Variants in SPATA1 observed in about 807,000 individuals in gnomAD.
The protein encoded by SPATA1 is spermatogenesis-associated protein 1.
SPATA1 carries 57 observed loss-of-function variants against 59.6 expected under a neutral mutation model. That is an observed-to-expected ratio of 0.96 (90% CI 0.77 to 1.19). The LOEUF is 1.19. Among genes scored for constraint, SPATA1 ranks in the 50% most tolerant of loss-of-function variants. The pLI, the probability that SPATA1 is intolerant of heterozygous loss-of-function variation, is 0.00. For synonymous variants in SPATA1, 147 were observed against 163.9 expected (o/e 0.90, Z 0.79); for missense variants, 448 against 480.7 (o/e 0.93, Z 0.64).
chr1:84,521,479 G>T (rs1340832507), intron 3 of SPATA1, among the ~76,000 whole-genome samples: 2 of 152,062 alleles, frequency 1.3e-5, no homozygotes, highest in African/African-American at 2.4e-5. Context: ...CAGGACCCTT[G>T]TACTTTCTGT....
At chr1:84,525,317 T>A (rs1296845324) in intron 4 of SPATA1, among the ~76,000 whole-genome samples, 2 of 152,224 alleles carry the variant, frequency 1.3e-5, no homozygotes, top group Non-Finnish European at 2.9e-5. Context: ...CTCTATGGGT[T>A]GAATATGTAG....
At chr1:84,507,816 G>A (rs962516566) in intron 1 of SPATA1, among the ~76,000 whole-genome samples, 1 of 151,412 alleles carries the variant, frequency 6.6e-6, no homozygotes, top group African/African-American at 2.4e-5. Flanking sequence ...GAGGGAGACT[G>A]TTGAGGAATA....
At chr1:84,560,258 ACCT>A (rs1342746815) in intron 4 of SPATA1, among the ~76,000 whole-genome samples, 6 of 152,092 alleles carry the variant, frequency 3.9e-5, no homozygotes, top group African/African-American at 1.4e-4. Flanking sequence ...TCCCACCACC[ACCT>A]TTCTGTGTAA....
At chr1:84,559,358 C>T (rs1246853855), downstream of SPATA1, among the ~76,000 whole-genome samples, 2 of 152,188 alleles carry the variant, frequency 1.3e-5, no homozygotes, top group African/African-American at 4.8e-5. Flanking sequence ...CGGTAGCTCA[C>T]GCCTGTAATG....
rs41284597 is a variant in SPATA1, at chr1:84,563,693, A to C, written n.443-2168A>C. The C allele has an allele frequency of 0.047, 56,739 of 1,208,672 alleles. 1,663 individuals carry two copies. The highest frequency in any genetic ancestry group is 0.058 in the Non-Finnish European group (49,836 of 858,220). 74.9% of individuals were successfully genotyped at this position (1,208,672 alleles called of 1,614,324 possible). ...TGAAAACAGAGAGACTCTAAAAAATATAATAGATAATAAAAATTATGTAAC... is the reference window on the plus strand; with the variant it reads ...TGAAAACAGAGAGACTCTAAAAAATCTAATAGATAATAAAAATTATGTAAC... On this transcript the variant is annotated intron_variant and non_coding_transcript_variant, in intron 4 of 4. Coordinates refer to the SPATA1 transcript ENST00000460286.
chr1:84,514,635 G>A (rs956021513), intron 1 of SPATA1, among the ~76,000 whole-genome samples: 10 of 152,128 alleles, frequency 6.6e-5, no homozygotes, highest in African/African-American at 2.4e-4. Context: ...CAACAATAAA[G>A]CAGGTCTTGA....
At position 84,525,932 on chromosome 1, in the gene SPATA1, C is replaced by T; in HGVS notation, c.403C>T (p.Gln135Ter). 1.2e-6 allele frequency: 2 copies of T among 1,613,560 alleles called. No individual in the cohort carries two copies. The highest frequency in any genetic ancestry group is 4.5e-5 in the East Asian group (2 of 44,804). ...ATCAACAGTTATTTTAGATGAGCGG[C>T]AGACTAATAATGGTGTTAATGAGGC... The change falls in exon 6 of 13, where the codon CAG becomes TAG. Residue 135 changes from glutamine to a stop codon, truncating the protein, a stop_gained. Coordinates refer to ENST00000490879, the Ensembl canonical transcript of SPATA1. LOFTEE classifies it high-confidence loss of function.
intron 12 of SPATA1, chr1:84,552,663 T>C (rs60419306): frequency 6.2e-6 from 1 of 162,324 alleles, no homozygotes; most frequent in African/African-American, 2.4e-5. Flanking sequence ...GAATTAAGGG[T>C]TTTTTTTGTA....
intron 1 of SPATA1, among the ~76,000 whole-genome samples, chr1:84,512,825 A>C (rs1159717875): frequency 1.3e-5 from 2 of 152,224 alleles, no homozygotes; most frequent in African/African-American, 4.8e-5. Context: ...AGTCAGTACC[A>C]GTTGATGGGA....
intron 8 of SPATA1, among the ~76,000 whole-genome samples, chr1:84,534,014 T>C (rs560062787): frequency 7.2e-5 from 11 of 152,096 alleles, no homozygotes; most frequent in Non-Finnish European, 5.9e-5. Context: ...TTACTAGTTT[T>C]AAAGGTACAT....
intron 9 of SPATA1, among the ~76,000 whole-genome samples, chr1:84,544,597 G>A (rs1684022900): frequency 6.6e-6 from 1 of 152,008 alleles, no homozygotes; most frequent in African/African-American, 2.4e-5. Context: ...GTCTGACTCT[G>A]TTGTCCAGGC....
chr1:84,511,980 C>T (rs1276225610), intron 1 of SPATA1, among the ~76,000 whole-genome samples: 2 of 152,046 alleles, frequency 1.3e-5, no homozygotes, highest in Admixed American at 1.3e-4. Context: ...CCGCGCCTGG[C>T]CTCATTTCAG....
chr1:84,541,063 A>G (rs752302267), intron 8 of SPATA1, among the ~76,000 whole-genome samples: 4 of 152,154 alleles, frequency 2.6e-5, no homozygotes, highest in African/African-American at 9.7e-5. Flanking sequence ...CTTGCTTTAT[A>G]TGTTACTATT....
intron 12 of SPATA1, chr1:84,552,879 C>G (rs1006102677): frequency 7.0e-6 from 4 of 572,626 alleles, no homozygotes; most frequent in Non-Finnish European, 1.2e-5. Flanking sequence ...ATAATCTACA[C>G]ATTTACTGTA....
chr1:84,507,081 G>A (rs989399449), intron 1 of SPATA1: 2 of 152,108 alleles, frequency 1.3e-5, no homozygotes, highest in African/African-American at 4.8e-5. Context: ...AGGAGAGAGG[G>A]TAGGGTCTAA....
chr1:84,507,675 AAC>A (rs1220912854), intron 1 of SPATA1, among the ~76,000 whole-genome samples: 3 of 152,232 alleles, frequency 2.0e-5, no homozygotes, highest in African/African-American at 7.2e-5. Context: ...TGTAAGATTA[AAC>A]ACAAGTATCT....
At chr1:84,545,235 T>TTATATATCATA (rs951904895) in intron 9 of SPATA1, among the ~76,000 whole-genome samples, 1 of 148,258 alleles carries the variant, frequency 6.7e-6, no homozygotes, top group East Asian at 1.9e-4. Context: ...ATATATATAT[T>TTATATATCATA]TATATATCAT....
At chr1:84,562,431 T>G (rs1684613102) in intron 4 of SPATA1, among the ~76,000 whole-genome samples, 2 of 152,248 alleles carry the variant, frequency 1.3e-5, no homozygotes, top group South Asian at 2.1e-4. Flanking sequence ...CAATTATAAT[T>G]TATGACATGT....
intron 1 of SPATA1, among the ~76,000 whole-genome samples, chr1:84,511,934 G>A (rs985203662): frequency 2.6e-5 from 4 of 151,920 alleles, no homozygotes; most frequent in South Asian, 2.1e-4. Flanking sequence ...CACCCGCCTC[G>A]GCCTCCCAAA....
Sources: allele counts gnomAD v4.1 joint callset (sites outside exome capture counted in the v4.1 genomes callset), GRCh38; gene constraint gnomAD v4.1.1; transcripts MANE v1.5; gene names NCBI Gene and HGNC (gene_info 2026-07-23, HGNC 2026-07-21).